The following RBM20 variants were observed in gnomAD, a reference collection of about 807,000 sequenced individuals.
RBM20 encodes the protein RNA binding motif protein 20, also known as RNA-binding protein 20.
A neutral mutation model predicts 110.1 loss-of-function variants in RBM20; 51 were observed. The observed-to-expected ratio is 0.46, with a 90% CI of 0.37 to 0.59. The LOEUF (loss-of-function observed/expected upper bound fraction) is 0.59, where lower values mean the gene tolerates loss of function less well. Among genes scored for constraint, RBM20 ranks in the 20% least tolerant of loss-of-function variants. RBM20 has a pLI of 0.00. For missense variants in RBM20, 1,512 were observed against 1,574.9 expected (o/e 0.96, Z 0.68); for synonymous variants, 589 against 618.2 (o/e 0.95, Z 0.70).
At chr10:110,801,948 G>C (rs969846216) in intron 7 of RBM20, among the ~76,000 whole-genome samples, 2 of 152,100 alleles carry the variant, frequency 1.3e-5, no homozygotes, top group Non-Finnish European at 2.9e-5. Flanking sequence ...CTGATGGGCT[G>C]TTTCTTTTCA....
At chr10:110,733,274 C>A (rs1481624072) in intron 1 of RBM20, among the ~76,000 whole-genome samples, 1 of 152,218 alleles carries the variant, frequency 6.6e-6, no homozygotes, top group African/African-American at 2.4e-5. Context: ...TCCCCGTCCC[C>A]AACCCTGATA....
At chr10:110,790,550 G>C (rs1445054500) in intron 5 of RBM20, among the ~76,000 whole-genome samples, 1 of 152,210 alleles carries the variant, frequency 6.6e-6, no homozygotes, top group Non-Finnish European at 1.5e-5. Context: ...GAAGTTAAAT[G>C]CTTTTGTTAT....
At chr10:110,704,834 C>G (rs1164904712) in intron 1 of RBM20, among the ~76,000 whole-genome samples, 1 of 152,056 alleles carries the variant, frequency 6.6e-6, no homozygotes, top group Non-Finnish European at 1.5e-5. Context: ...GAAGCCTTGT[C>G]AATGTTGGTG....
At chr10:110,809,892 G>A (rs994215248) in intron 7 of RBM20, among the ~76,000 whole-genome samples, 1 of 152,180 alleles carries the variant, frequency 6.6e-6, no homozygotes, top group Non-Finnish European at 1.5e-5. Context: ...CAGGGTGGCT[G>A]GTGACCCTGG....
chr10:110,664,806 C>A (rs745600497), intron 1 of RBM20, among the ~76,000 whole-genome samples: 8 of 152,012 alleles, frequency 5.3e-5, no homozygotes, highest in Non-Finnish European at 1.0e-4. Flanking sequence ...TCAGTAGTTT[C>A]CACTATAGGG....
In RBM20 at chr10:110,837,140, G is replaced by A. The variant is rs1421945152; in HGVS notation, c.*1162G>A. On this transcript the variant is annotated 3_prime_UTR_variant, in exon 14 of 14. Coordinates refer to ENST00000369519, the MANE Select transcript of RBM20 (RefSeq NM_001134363.3). Reference sequence around the variant, plus strand: ...CCAAAGAGTGGCATTGAAGTTTGCTGGGTGTCTGTAGGTGGACCCTTTCCA... The same window carrying A: ...CCAAAGAGTGGCATTGAAGTTTGCTAGGTGTCTGTAGGTGGACCCTTTCCA... 6.6e-6 allele frequency: 1 copy of A among 152,268 alleles called. No individual in the cohort carries two copies. Among genetic ancestry groups the A allele is most frequent in the Non-Finnish European group, 1.5e-5 (1 of 68,076 alleles). The allele number at this position is 152,268 out of a possible 1,614,324, so 9.4% of individuals were successfully genotyped here. A position where few individuals can be genotyped will look rare whatever the true frequency, so the allele number is the denominator to read the frequency against.
intron 7 of RBM20, among the ~76,000 whole-genome samples, chr10:110,808,778 C>T (rs1235252481): frequency 6.6e-6 from 1 of 152,162 alleles, no homozygotes; most frequent in East Asian, 1.9e-4. Flanking sequence ...CAGCCCAACC[C>T]TCTATCTCAA....
intron 13 of RBM20, among the ~76,000 whole-genome samples, chr10:110,832,468 G>A (rs924548650): frequency 3.9e-5 from 6 of 152,094 alleles, no homozygotes; most frequent in Non-Finnish European, 1.5e-5. Context: ...ATTTGGAGGT[G>A]GAAGGCAGAT....
At chr10:110,779,449 T>C (rs1203323237) in intron 1 of RBM20, among the ~76,000 whole-genome samples, 1 of 152,240 alleles carries the variant, frequency 6.6e-6, no homozygotes, top group East Asian at 1.9e-4. Flanking sequence ...CTGGTGTTCA[T>C]TGGCATCCTT....
chr10:110,759,009 C>T (rs1843958720), intron 1 of RBM20, among the ~76,000 whole-genome samples: 1 of 152,226 alleles, frequency 6.6e-6, no homozygotes, highest in African/African-American at 2.4e-5. Context: ...GTTAACCAGA[C>T]AGGAGTTAAA....
At chr10:110,813,925 TCA>T (rs1037685171) in intron 9 of RBM20, among the ~76,000 whole-genome samples, 1 of 149,766 alleles carries the variant, frequency 6.7e-6, no homozygotes, top group African/African-American at 2.4e-5. Context: ...GTACTTCAGT[TCA>T]CACAGGGGCG....
At chr10:110,733,790 C>G (rs1375691205) in intron 1 of RBM20, among the ~76,000 whole-genome samples, 1 of 152,226 alleles carries the variant, frequency 6.6e-6, no homozygotes, top group Non-Finnish European at 1.5e-5. Flanking sequence ...CACTCTCGCT[C>G]TAAAGATAAT....
chr10:110,652,756 T>G (rs1861969540), intron 1 of RBM20, among the ~76,000 whole-genome samples: 1 of 152,212 alleles, frequency 6.6e-6, no homozygotes, highest in African/African-American at 2.4e-5. Context: ...TTATATTTTC[T>G]GCTAAGCCAC....
At chr10:110,818,788 A>G (rs1040774039) in intron 9 of RBM20, among the ~76,000 whole-genome samples, 4 of 152,230 alleles carry the variant, frequency 2.6e-5, no homozygotes, top group African/African-American at 9.6e-5. Context: ...CATTTTGACA[A>G]GAGAGGGCCA....
intron 1 of RBM20, among the ~76,000 whole-genome samples, chr10:110,756,187 C>T (rs937723611): frequency 5.3e-5 from 8 of 152,162 alleles, no homozygotes; most frequent in Non-Finnish European, 1.0e-4. Flanking sequence ...AAACTTTAAA[C>T]CTTGAGTGTT....
intron 1 of RBM20, 150 bp from the exon 2 acceptor site, chr10:110,780,651 G>A (rs531591276): frequency 1.6e-6 from 1 of 618,270 alleles, no homozygotes; most frequent in Non-Finnish European, 2.5e-6. Context: ...GTGTATGTGT[G>A]AGCACAGGTT....
chr10:110,712,220 A>G (rs910513932), intron 1 of RBM20, among the ~76,000 whole-genome samples: 3 of 152,214 alleles, frequency 2.0e-5, no homozygotes, highest in Admixed American at 6.5e-5. Flanking sequence ...GAGTTCATGT[A>G]TGGTTTTCAG....
intron 5 of RBM20, among the ~76,000 whole-genome samples, chr10:110,792,161 ATCTATCTATC>A (rs1564847520): frequency 4.0e-5 from 6 of 151,484 alleles, no homozygotes; most frequent in African/African-American, 1.5e-4. Flanking sequence ...CTATCTATCT[ATCTATCTATC>A]TATCTATCTA....
intron 13 of RBM20, 95 bp from the exon 14 acceptor site, chr10:110,835,773 A>G: frequency 1.6e-6 from 2 of 1,278,938 alleles, no homozygotes; most frequent in Non-Finnish European, 2.2e-6. Context: ...CACAGATGCC[A>G]GGAGAGGGAT....
Sources: allele counts gnomAD v4.1 joint callset (sites outside exome capture counted in the v4.1 genomes callset), GRCh38; gene constraint gnomAD v4.1.1; transcripts MANE v1.5; gene names NCBI Gene and HGNC (gene_info 2026-07-23, HGNC 2026-07-21).